The following CLMN variants were observed in gnomAD, a reference collection of about 807,000 sequenced individuals.
CLMN encodes the protein calmin (calponin-like, transmembrane).
CLMN carries 57 observed loss-of-function variants against 92.7 expected under a neutral mutation model. That is an observed-to-expected ratio of 0.61 (90% confidence interval 0.50 to 0.77). The LOEUF (loss-of-function observed/expected upper bound fraction) is 0.77. CLMN is among the 30% of genes least tolerant of loss of function. CLMN has a pLI of 0.00. For missense variants in CLMN, 1,158 were observed against 1,237.5 expected, an observed-to-expected ratio of 0.94 and a Z score of 0.96; for synonymous variants, 466 against 470.6, an observed-to-expected ratio of 0.99 and a Z score of 0.13.
At chr14:95,201,240 G>A (rs1194888524) in intron 9 of CLMN, among the ~76,000 whole-genome samples, 1 of 151,494 alleles carries the variant, frequency 6.6e-6, no homozygotes, top group African/African-American at 2.4e-5. Context: ...GTGCAAGTTT[G>A]TTATGTAGGT....
At chr14:95,235,272 A>T (rs1898015002) in intron 1 of CLMN, among the ~76,000 whole-genome samples, 1 of 152,074 alleles carries the variant, frequency 6.6e-6, no homozygotes, top group Admixed American at 6.5e-5. Context: ...CAATTCCTGG[A>T]CTCCAGACCT....
At chr14:95,245,252 A>AT (rs1898489251) in intron 1 of CLMN, among the ~76,000 whole-genome samples, 1 of 36,248 alleles carries the variant, frequency 2.8e-5, no homozygotes, top group African/African-American at 1.8e-4. Context: ...ATATATATAT[A>AT]TAATATATAT....
intron 4 of CLMN, among the ~76,000 whole-genome samples, chr14:95,220,319 GCTC>G (rs1897492647): frequency 6.6e-6 from 1 of 151,828 alleles, no homozygotes; most frequent in African/African-American, 2.4e-5. Context: ...TAGGATTATA[GCTC>G]CCCACGACCG....
chr14:95,299,467 TATGCTGCACCAG>T (rs1462278927), intron 1 of CLMN, among the ~76,000 whole-genome samples: 1 of 152,140 alleles, frequency 6.6e-6, no homozygotes, highest in Non-Finnish European at 1.5e-5. Flanking sequence ...GCTAAGTGCC[TATGCTGCACCAG>T]GTGCAGCACC....
intron 1 of CLMN, among the ~76,000 whole-genome samples, chr14:95,312,528 T>A (rs1901585752): frequency 6.6e-6 from 1 of 152,112 alleles, no homozygotes; most frequent in Non-Finnish European, 1.5e-5. Flanking sequence ...CAGGAAGTCC[T>A]CCAGATTGCT....
In CLMN at chr14:95,259,975, G is replaced by A. The variant is rs866143917; in HGVS notation, c.83-29842C>T. Among the ~76,000 whole-genome samples the A allele has an allele frequency of 6.6e-6, 1 of 152,082 alleles. No homozygotes were observed. Among genetic ancestry groups the A allele is most frequent in the African/African-American group, 2.4e-5 (1 of 41,392 alleles). ...TCTCCCTGCACTTCTCCACCTGCTCGTCAAATTCCTCTGGCTGCCCTCCCT... is the reference window on the plus strand; with the variant it reads ...TCTCCCTGCACTTCTCCACCTGCTCATCAAATTCCTCTGGCTGCCCTCCCT... On this transcript the variant is annotated intron_variant, in intron 1 of 12. Coordinates refer to ENST00000298912, the MANE Select transcript of CLMN (RefSeq NM_024734.4). This position sits in a 1 kb window ranked among gnomAD's most constrained non-coding sequence, Gnocchi z 4.3.
rs749677945 is a variant in CLMN at position 95,319,709 on chromosome 14, A to G, written c.82+2T>C. Reference sequence around the variant, plus strand: ...TCCCGGGGCGAGCCTGGGCTGCGTTACCTTGCAGGTTCTGCACTCGGATGT... The same window carrying G: ...TCCCGGGGCGAGCCTGGGCTGCGTTGCCTTGCAGGTTCTGCACTCGGATGT... On this transcript the variant is annotated splice_donor_variant, in intron 1 of 12. Transcript: ENST00000298912. LOFTEE classifies it high-confidence loss of function. The G allele has an allele frequency of 2.0e-5, 32 of 1,594,486 alleles. No homozygotes were observed. The highest frequency in any genetic ancestry group is 2.6e-5 in the Non-Finnish European group (31 of 1,175,346).
intron 1 of CLMN, among the ~76,000 whole-genome samples, chr14:95,277,472 A>C (rs1899978065): frequency 6.6e-6 from 1 of 152,136 alleles, no homozygotes; most frequent in South Asian, 2.1e-4. Flanking sequence ...GAATTTTGTG[A>C]ATTCATGTCA....
intron 1 of CLMN, among the ~76,000 whole-genome samples, chr14:95,263,532 C>G (rs768712911): frequency 2.6e-5 from 4 of 152,154 alleles, no homozygotes; most frequent in Non-Finnish European, 5.9e-5. Flanking sequence ...AAAAGGGTTC[C>G]GGTGTGACCC....
rs982678733 is a variant in CLMN at position 95,256,232 on chromosome 14, G to A, written c.83-26099C>T. Among the ~76,000 whole-genome samples the A allele has an allele frequency of 2.6e-5, 4 of 152,206 alleles. No homozygotes were observed. The highest frequency in any genetic ancestry group is 1.9e-4 in the East Asian group (1 of 5,176). ...AACCGAGGCCCGCCACCCACTCCTC[G>A]GCACCCAGTTGGGAAGGACTTCACA... On this transcript the variant is annotated intron_variant, in intron 1 of 12. Transcript: ENST00000298912. This position sits in a 1 kb window ranked among gnomAD's most constrained non-coding sequence, Gnocchi z 4.9.
At chr14:95,200,121 A>C (rs892776758) in intron 9 of CLMN, among the ~76,000 whole-genome samples, 1 of 152,076 alleles carries the variant, frequency 6.6e-6, no homozygotes, top group Non-Finnish European at 1.5e-5. Flanking sequence ...TCACTTTCCC[A>C]CCTGGCTCCT....
chr14:95,259,367 G>A lies in CLMN; in HGVS notation c.83-29234C>T, dbSNP rs1364463256. Among the ~76,000 whole-genome samples the A allele has an allele frequency of 6.6e-6, 1 of 152,080 alleles. No individual in the cohort carries two copies. The highest frequency in any genetic ancestry group is 1.5e-5 in the Non-Finnish European group (1 of 67,986). ...CCGTCCACTGGCTCCCCACTCACCA[G>A]GCCTGACCTTGGGCACCAGAACGGA... On this transcript the variant is annotated intron_variant, in intron 1 of 12. Transcript: ENST00000298912. This position sits in a 1 kb window ranked among gnomAD's most constrained non-coding sequence, Gnocchi z 4.3.
intron 1 of CLMN, among the ~76,000 whole-genome samples, chr14:95,304,734 A>G (rs1595116704): frequency 1.3e-5 from 2 of 152,104 alleles, no homozygotes; most frequent in South Asian, 4.2e-4. Flanking sequence ...TACATACTAC[A>G]TGCAGAGGAC....
At chr14:95,222,117 C>T (rs1359499708) in intron 3 of CLMN, among the ~76,000 whole-genome samples, 2 of 152,166 alleles carry the variant, frequency 1.3e-5, no homozygotes, top group African/African-American at 4.8e-5. Context: ...TAGATTCCTC[C>T]CTTCTCCTGA....
chr14:95,289,271 G>A (rs773077676), intron 1 of CLMN, among the ~76,000 whole-genome samples: 1 of 152,118 alleles, frequency 6.6e-6, no homozygotes, highest in Non-Finnish European at 1.5e-5. Context: ...CAGGCAGATT[G>A]CCTGAGTTCA....
At chr14:95,209,321 G>A (rs545636473) in intron 8 of CLMN, 74 bp downstream of exon 8, 45 of 1,392,924 alleles carry the variant, frequency 3.2e-5, no homozygotes, top group East Asian at 3.0e-4. Context: ...CGCTGCCCAC[G>A]TCCCTGCTTC....
At chr14:95,304,775 G>A (rs76554774) in intron 1 of CLMN, among the ~76,000 whole-genome samples, 1,639 of 152,090 alleles carry the variant, frequency 0.011, 14 homozygotes, top group Non-Finnish European at 0.019. Flanking sequence ...TCCTTCTGCA[G>A]CTCCGAAACC....
In CLMN at chr14:95,210,784, A is replaced by G. The variant is rs1345565839; in HGVS notation, c.704T>C (p.Met235Thr). 1 of 1,601,928 alleles carries G rather than the reference A, an allele frequency of 6.2e-7. No individual in the cohort carries two copies. Among genetic ancestry groups the G allele is most frequent in the African/African-American group, 1.4e-5 (1 of 73,478 alleles). Residue 235 changes from methionine to threonine, a missense_variant, in exon 7 of 13, where the codon ATG becomes ACG. Physicochemically the swap from Met to Thr is moderately conservative, Grantham distance 81 (BLOSUM62 -1). Transcript: ENST00000298912. ...TGTGGAATTTTCCAGGGCCTGTTTC[A>G]TGTCCACCAGGCTGGGGTCAATGGC... ...IKAIDPSLVD[M>T]KQALENSTRE...
At position 95,202,717 on chromosome 14, in the gene CLMN, T is replaced by C. The variant is rs182007242; in HGVS notation, c.2511+121A>G. 4.2e-3 allele frequency: 4,760 copies of C among 1,123,264 alleles called. 23 individuals carry two copies. The highest frequency in any genetic ancestry group is 4.4e-3 in the Non-Finnish European group (3,527 of 803,308). 69.6% of individuals were successfully genotyped at this position (1,123,264 alleles called of 1,614,324 possible). ...AGGTGCCTCTTTGAATTTTGCACCA[T>C]AGTAGTCCCAAGGGAAGCCCCCTCA... On this transcript the variant is annotated intron_variant, in intron 9 of 12. Transcript: ENST00000298912.
Sources: allele counts gnomAD v4.1 joint callset (sites outside exome capture counted in the v4.1 genomes callset), GRCh38; gene constraint gnomAD v4.1.1; non-coding constraint Gnocchi (gnomAD v3.1); transcripts MANE v1.5; gene names NCBI Gene and HGNC (gene_info 2026-07-23, HGNC 2026-07-21).